APAF1: variants seen among roughly 807,000 people sequenced by gnomAD.
The protein encoded by APAF1 is apoptotic peptidase activating factor 1, also known as apoptotic protease-activating factor 1.
In APAF1, 91 loss-of-function variants were observed where a neutral mutation model predicts 152.4. The observed-to-expected ratio is 0.60, with a 90% CI of 0.50 to 0.71. APAF1 has a LOEUF of 0.71. Among genes scored for constraint, APAF1 ranks in the 30% least tolerant of loss-of-function variants. The pLI is 0.00. For missense variants in APAF1, 1,283 were observed against 1,472.0 expected, an observed-to-expected ratio of 0.87 and a Z score of 2.10; for synonymous variants, 484 against 494.1, an observed-to-expected ratio of 0.98 and a Z score of 0.27.
intron 12 of APAF1, among the ~76,000 whole-genome samples, chr12:98,673,871 T>C (rs1268439649): frequency 6.6e-6 from 1 of 152,170 alleles, no homozygotes; most frequent in Non-Finnish European, 1.5e-5. Flanking sequence ...TAAGTAGAGA[T>C]AGAACTGATA....
chr12:98,677,508 A>T lies in APAF1; in HGVS notation c.1877A>T (p.Asp626Val). Residue 626 changes from aspartate (D) to valine (V), a missense_variant, in exon 13 of 27, where the codon GAT becomes GTT. Physicochemically the swap from Asp to Val is radical, Grantham distance 152. Coordinates refer to ENST00000551964, the MANE Select transcript of APAF1 (RefSeq NM_181861.2). ...GTTTACCATGCCTGCTTTTCTGAGG[A>T]TGGTCAGAGAATAGCTTCTTGTGGA... ...DAVYHACFSE[D>V]GQRIASCGAD... The T allele has an allele frequency of 1.2e-6, 2 of 1,614,140 alleles. No homozygotes were observed. The highest frequency in any genetic ancestry group is 8.5e-7 in the Non-Finnish European group (1 of 1,180,028).
At chr12:98,658,267 T>C (rs1343731470) in intron 4 of APAF1, among the ~76,000 whole-genome samples, 1 of 152,178 alleles carries the variant, frequency 6.6e-6, no homozygotes, top group African/African-American at 2.4e-5. Context: ...TAAATAAAAA[T>C]ACATATTTCA....
chr12:98,723,909 A>G, intron 24 of APAF1, 145 bp downstream of exon 24: 1 of 847,496 alleles, frequency 1.2e-6, no homozygotes, highest in Non-Finnish European at 1.9e-6. Context: ...GCCCATTGGC[A>G]TTTAGTTGGT....
chr12:98,654,816 C>CTTTTTTTTTTTT (rs758991431), intron 4 of APAF1, among the ~76,000 whole-genome samples: 1 of 116,794 alleles, frequency 8.6e-6, no homozygotes, highest in Non-Finnish European at 1.7e-5. Flanking sequence ...GTAGTATTTT[C>CTTTTTTTTTTTT]TTTTTTTTTT....
intron 20 of APAF1, among the ~76,000 whole-genome samples, chr12:98,711,940 A>C (rs1183820145): frequency 1.3e-5 from 2 of 152,188 alleles, no homozygotes; most frequent in African/African-American, 4.8e-5. Context: ...AACAGCTTTG[A>C]AATGTAGCAG....
chr12:98,689,168 G>A (rs893548003), intron 16 of APAF1, among the ~76,000 whole-genome samples: 1 of 152,118 alleles, frequency 6.6e-6, no homozygotes, highest in Non-Finnish European at 1.5e-5. Context: ...AGGAAACGCA[G>A]ACTCATTGGG....
chr12:98,672,877 C>T (rs529512852), intron 12 of APAF1, among the ~76,000 whole-genome samples: 2 of 151,786 alleles, frequency 1.3e-5, no homozygotes, highest in African/African-American at 2.4e-5. Context: ...GCCTCAGCCT[C>T]CCGAGTAGCT....
intron 12 of APAF1, among the ~76,000 whole-genome samples, chr12:98,674,116 C>T (rs2097683926): frequency 6.6e-6 from 1 of 152,128 alleles, no homozygotes; most frequent in African/African-American, 2.4e-5. Context: ...CTGCTTCAAC[C>T]TCCTGAGTAG....
chr12:98,719,354 T>C (rs1395045922), intron 22 of APAF1, among the ~76,000 whole-genome samples: 1 of 152,070 alleles, frequency 6.6e-6, no homozygotes, highest in Non-Finnish European at 1.5e-5. Context: ...GACTTTTTCT[T>C]TTCTTTTCTT....
chr12:98,709,876 C>T (rs2097725957), intron 20 of APAF1, among the ~76,000 whole-genome samples: 1 of 152,112 alleles, frequency 6.6e-6, no homozygotes, highest in Admixed American at 6.6e-5. Context: ...GGCTAATTTT[C>T]TTTCTTTTGT....
chr12:98,712,562 C>T (rs77391446), intron 21 of APAF1, 127 bp downstream of exon 21: 76,596 of 682,856 alleles, frequency 0.11, 5,121 homozygotes, highest in East Asian at 0.24. Context: ...GTGTCACCCA[C>T]GCTGAGTACA....
At chr12:98,654,659 G>A (rs962074672) in intron 4 of APAF1, among the ~76,000 whole-genome samples, 6 of 151,826 alleles carry the variant, frequency 4.0e-5, no homozygotes, top group Non-Finnish European at 5.9e-5. Flanking sequence ...CCCTCGCCTC[G>A]GCCTCCCAAA....
rs576439382 is a variant in APAF1 at position 98,679,695 on chromosome 12, T to G, written c.1921-582T>G. On this transcript the variant is annotated intron_variant, in intron 13 of 26. Coordinates refer to ENST00000551964, the MANE Select transcript of APAF1 (RefSeq NM_181861.2). ...CCCGCGGTTCCTGGCATCTCCAAGCTTCTGGGCACCACCGTGTTCCCCGGT... is the reference window on the plus strand; with the variant it reads ...CCCGCGGTTCCTGGCATCTCCAAGCGTCTGGGCACCACCGTGTTCCCCGGT... 1.2e-4 allele frequency among the ~76,000 whole-genome samples: 19 copies of G among 152,350 alleles called. No individual in the cohort carries two copies. In the East Asian group the frequency reaches 2.7e-3, roughly 22 times the overall value.
chr12:98,719,910 G>A (rs983442954), intron 22 of APAF1, among the ~76,000 whole-genome samples: 1 of 152,078 alleles, frequency 6.6e-6, no homozygotes, highest in African/African-American at 2.4e-5. Context: ...ACCCTTTTGG[G>A]AAAAAGATCT....
At chr12:98,721,286 A>C (rs1258685224) in intron 22 of APAF1, among the ~76,000 whole-genome samples, 1 of 152,224 alleles carries the variant, frequency 6.6e-6, no homozygotes, top group African/African-American at 2.4e-5. Flanking sequence ...ATTCTTTGTT[A>C]TATCTGCTCC....
chr12:98,660,914 G>C (rs967917268), intron 5 of APAF1, among the ~76,000 whole-genome samples: 2 of 152,106 alleles, frequency 1.3e-5, no homozygotes, highest in South Asian at 4.1e-4. Context: ...GAGTATTTTT[G>C]GGAAAAGCCT....
At position 98,680,413 on chromosome 12, in the gene APAF1, C is replaced by T; in HGVS notation, c.2046+11C>T. On this transcript the variant is annotated intron_variant, in intron 14 of 26. Transcript: ENST00000551964. ...GATAAAAAAGTGAAGGTAGGAAAAT[C>T]TTTTCCTCTTGAGTTGTAATCACAA... 6.2e-7 allele frequency: 1 copy of T among 1,611,682 alleles called. No homozygotes were observed. The highest frequency in any genetic ancestry group is 1.7e-4 in the Middle Eastern group (1 of 6,058).
chr12:98,649,820 A>G, intron 4 of APAF1, 136 bp downstream of exon 4: 1 of 836,852 alleles, frequency 1.2e-6, no homozygotes, highest in Non-Finnish European at 1.9e-6. Flanking sequence ...AGGATATGTT[A>G]ACTCTCTGAA....
At chr12:98,719,656 T>C (rs1318690529) in intron 22 of APAF1, among the ~76,000 whole-genome samples, 1 of 151,996 alleles carries the variant, frequency 6.6e-6, no homozygotes, top group Non-Finnish European at 1.5e-5. Flanking sequence ...CTGGCCACTT[T>C]TGACTTTTTA....
Sources: allele counts gnomAD v4.1 joint callset (sites outside exome capture counted in the v4.1 genomes callset), GRCh38; gene constraint gnomAD v4.1.1; transcripts MANE v1.5; gene names NCBI Gene and HGNC (gene_info 2026-07-23, HGNC 2026-07-21).